Variants in NSUN4 observed in about 807,000 individuals in gnomAD.
NSUN4 encodes NOP2/Sun RNA methyltransferase 4.
In NSUN4, 31 loss-of-function variants were observed where a neutral mutation model predicts 43.8. The observed-to-expected ratio is 0.71, with a 90% CI of 0.53 to 0.96. The LOEUF (loss-of-function observed/expected upper bound fraction) is 0.96, where lower values mean the gene tolerates loss of function less well. NSUN4 is among the 40% of genes least tolerant of loss of function. NSUN4 has a pLI of 0.00. For synonymous variants in NSUN4, 167 were observed against 184.1 expected, an observed-to-expected ratio of 0.91 and a Z score of 0.75; for missense variants, 439 against 475.6, an observed-to-expected ratio of 0.92 and a Z score of 0.72.
At chr1:46,381,557 T>G in the NSUN4 span, among the ~76,000 whole-genome samples, 1 of 152,220 alleles carries the variant, frequency 6.6e-6, no homozygotes, top group Admixed American at 6.5e-5. Context: ...GCTTTGCAAC[T>G]GGAGTCCCTA....
At chr1:46,376,945 A>G in the NSUN4 span, among the ~76,000 whole-genome samples, 1 of 151,792 alleles carries the variant, frequency 6.6e-6, no homozygotes, top group Non-Finnish European at 1.5e-5. Context: ...TTTAGTAGAG[A>G]AGGGGTTTCA....
chr1:46,368,722 T>A (rs1664191314), downstream of NSUN4, among the ~76,000 whole-genome samples: 1 of 152,236 alleles, frequency 6.6e-6, no homozygotes, highest in South Asian at 2.1e-4. Context: ...TGTTAGTAAG[T>A]AACACAAATC....
At chr1:46,372,366 C>G in the NSUN4 span, among the ~76,000 whole-genome samples, 1 of 151,262 alleles carries the variant, frequency 6.6e-6, no homozygotes, top group African/African-American at 2.4e-5. Context: ...GATGGTCTCG[C>G]TCTCCTGACC....
chr1:46,369,824 G>A (rs1227371216), downstream of NSUN4, among the ~76,000 whole-genome samples: 8 of 152,176 alleles, frequency 5.3e-5, no homozygotes, highest in South Asian at 2.1e-4. Context: ...TGAAGGAATA[G>A]GTATTCCATC....
At chr1:46,382,063 A>C in the NSUN4 span, among the ~76,000 whole-genome samples, 1 of 152,056 alleles carries the variant, frequency 6.6e-6, no homozygotes, top group Non-Finnish European at 1.5e-5. Flanking sequence ...TGGGCCTTTC[A>C]CTCCATTCAT....
chr1:46,366,191 T>C (rs1052229780), downstream of NSUN4, among the ~76,000 whole-genome samples: 1 of 152,206 alleles, frequency 6.6e-6, no homozygotes, highest in Non-Finnish European at 1.5e-5. Context: ...GTTGTGGTCC[T>C]AATTTGCATT....
At chr1:46,365,311 G>A (rs1664107922), downstream of NSUN4, among the ~76,000 whole-genome samples, 1 of 152,008 alleles carries the variant, frequency 6.6e-6, no homozygotes, top group Non-Finnish European at 1.5e-5. Flanking sequence ...TACCTTTTGG[G>A]CATATAATTT....
At chr1:46,342,512 C>T in intron 1 of NSUN4, 1 of 399,134 alleles carries the variant, frequency 2.5e-6, no homozygotes, top group African/African-American at 2.1e-5. Context: ...CCCAGGCTCC[C>T]AGGAAGGCTT....
the NSUN4 span, among the ~76,000 whole-genome samples, chr1:46,378,301 G>T: frequency 2.0e-5 from 3 of 151,718 alleles, no homozygotes; most frequent in African/African-American, 4.8e-5. Flanking sequence ...TGGTTCAAGG[G>T]ATCCTCCTGC....
chr1:46,347,922 G>C (rs1434759917), intron 3 of NSUN4, among the ~76,000 whole-genome samples: 1 of 149,090 alleles, frequency 6.7e-6, no homozygotes, highest in African/African-American at 2.5e-5. Context: ...CTGTCACCCA[G>C]GTTGGAGTGC....
rs938183248 is a variant in NSUN4 at position 46,341,201 on chromosome 1, C to T, written c.93+282C>T. ...TTAGTGATGTCACTGTCTCTTGTTCCCCAGCTGTGTCCACCTACCTTTCTG... is the reference window on the plus strand; with the variant it reads ...TTAGTGATGTCACTGTCTCTTGTTCTCCAGCTGTGTCCACCTACCTTTCTG... On this transcript the variant is annotated intron_variant, in intron 1 of 5. Coordinates refer to ENST00000474844, the MANE Select transcript of NSUN4 (RefSeq NM_199044.4). 61 of 1,186,664 alleles carry T rather than the reference C, an allele frequency of 5.1e-5. No homozygotes were observed. In the African/African-American group the frequency reaches 8.6e-4, roughly 17 times the overall value. 73.5% of individuals were successfully genotyped at this position (1,186,664 alleles called of 1,614,324 possible). A position where few individuals can be genotyped will look rare whatever the true frequency, so the allele number is the denominator to read the frequency against.
At chr1:46,351,377 T>G (rs1189211770) in intron 3 of NSUN4, among the ~76,000 whole-genome samples, 3 of 152,102 alleles carry the variant, frequency 2.0e-5, no homozygotes, top group Non-Finnish European at 4.4e-5. Context: ...TTGAGAAATG[T>G]AGTCTTTTGG....
chr1:46,379,756 G>C, the NSUN4 span, among the ~76,000 whole-genome samples: 1 of 152,148 alleles, frequency 6.6e-6, no homozygotes, highest in Non-Finnish European at 1.5e-5. Context: ...TGGTGTCTGG[G>C]GAAGGCTTGC....
rs1663941171 is a variant in NSUN4 at position 46,362,424 on chromosome 1, T to G, written c.*578T>G. The G allele has an allele frequency of 6.5e-6, 1 of 152,888 alleles. No homozygotes were observed. Among genetic ancestry groups the G allele is most frequent in the African/African-American group, 2.4e-5 (1 of 41,450 alleles). The allele number at this position is 152,888 out of a possible 1,614,324, so 9.5% of individuals were successfully genotyped here. On this transcript the variant is annotated 3_prime_UTR_variant, in exon 6 of 6. Transcript: ENST00000474844. Reference sequence around the variant, plus strand: ...AGTGCAAAATAATCTGCTTACCTACTCACATTGGAAAAACCCTCTGAGCTG... The same window carrying G: ...AGTGCAAAATAATCTGCTTACCTACGCACATTGGAAAAACCCTCTGAGCTG...
intron 4 of NSUN4, among the ~76,000 whole-genome samples, chr1:46,359,998 G>A (rs1448813488): frequency 6.6e-6 from 1 of 151,438 alleles, no homozygotes; most frequent in African/African-American, 2.4e-5. Context: ...AGGAGGCCAA[G>A]GCGGGCAGAT....
intron 4 of NSUN4, among the ~76,000 whole-genome samples, chr1:46,354,917 A>C (rs6679898): frequency 0.22 from 34,108 of 151,860 alleles, 4,295 homozygotes; most frequent in Non-Finnish European, 0.29. Flanking sequence ...GTGATCCATT[A>C]GCCTCAGCCT....
chr1:46,355,057 G>A (rs890152178), intron 4 of NSUN4, among the ~76,000 whole-genome samples: 3 of 152,302 alleles, frequency 2.0e-5, no homozygotes, highest in Middle Eastern at 6.8e-3. Context: ...CTACATTACA[G>A]GGGTGCTACT....
At chr1:46,347,137 C>T (rs1662570341) in intron 3 of NSUN4, 62 bp downstream of exon 3, 9 of 1,541,910 alleles carry the variant, frequency 5.8e-6, no homozygotes, top group Middle Eastern at 1.8e-4. Context: ...GTCCCAGGTA[C>T]ATTTAATATG....
chr1:46,378,027 G>A, the NSUN4 span, among the ~76,000 whole-genome samples: 1 of 152,204 alleles, frequency 6.6e-6, no homozygotes, highest in East Asian at 1.9e-4. Flanking sequence ...TCTAGTTGTA[G>A]GTGTCCATGT....
Sources: gnomAD v4.1 joint callset for allele counts (sites outside exome capture counted in the v4.1 genomes callset) on GRCh38, gnomAD v4.1.1 for gene constraint, MANE v1.5 for transcripts, NCBI Gene and HGNC (gene_info 2026-07-23, HGNC 2026-07-21) for gene names.